DNMT1: variants seen among roughly 807,000 people sequenced by gnomAD.
DNMT1 encodes DNA (cytosine-5)-methyltransferase 1.
A neutral mutation model predicts 205.3 loss-of-function variants in DNMT1; 24 were observed. The ratio of observed to expected loss-of-function variants is 0.12; its 90% CI spans 0.08 to 0.16. The LOEUF is 0.16. Ranked by LOEUF, DNMT1 falls within the 10% of genes least tolerant of loss-of-function variation. The probability of loss-of-function intolerance (pLI) is 1.00; values close to 1 mark genes in which losing one functional copy is unlikely to be tolerated. For synonymous variants in DNMT1, 817 were observed against 839.8 expected, an observed-to-expected ratio of 0.97 and a Z score of 0.47; for missense variants, 1,293 against 2,177.7, an observed-to-expected ratio of 0.59 and a Z score of 8.09.
intron 11 of DNMT1, 56 bp downstream of exon 11, chr19:10,166,542 A>G: frequency 6.2e-7 from 1 of 1,609,926 alleles, no homozygotes. Flanking sequence ...CTCCCGCCCA[A>G]GCAAACAGGA....
At chr19:10,176,062 G>A (rs530167307) in intron 6 of DNMT1, among the ~76,000 whole-genome samples, 2 of 152,224 alleles carry the variant, frequency 1.3e-5, no homozygotes, top group Non-Finnish European at 1.5e-5. Context: ...CAGCTACTCA[G>A]GAGGCTGAGG....
Position 10,168,953 on chromosome 19 carries a change from T to C in DNMT1, c.769-589A>G, listed in dbSNP as rs989437758. Among the ~76,000 whole-genome samples, 6 of 152,282 alleles carry C rather than the reference T, an allele frequency of 3.9e-5. No homozygotes were observed. The East Asian group carries it at 9.7e-4, about 25-fold the overall frequency. ...CCCAGGTTCAAACAATTCTCCTGCTTCAGCCTCCCAAGTAGCTGAGTTTAC... is the reference window on the plus strand; with the variant it reads ...CCCAGGTTCAAACAATTCTCCTGCTCCAGCCTCCCAAGTAGCTGAGTTTAC... On this transcript the variant is annotated intron_variant, in intron 9 of 40. Coordinates refer to ENST00000359526, the MANE Select transcript of DNMT1 (RefSeq NM_001130823.3).
At chr19:10,173,763 A>C in intron 8 of DNMT1, 108 bp downstream of exon 8, 1 of 1,245,084 alleles carries the variant, frequency 8.0e-7, no homozygotes, top group Non-Finnish European at 1.2e-6. Flanking sequence ...AAGTGCTGAG[A>C]TTACAGGCAT....
intron 1 of DNMT1, among the ~76,000 whole-genome samples, chr19:10,188,801 G>A (rs1269382815): frequency 6.6e-6 from 1 of 152,122 alleles, no homozygotes; most frequent in Non-Finnish European, 1.5e-5. Flanking sequence ...TGACTTTAAA[G>A]GTAGAGGAAG....
intron 19 of DNMT1, 125 bp downstream of exon 19, chr19:10,155,728 T>G: frequency 1.0e-6 from 1 of 994,486 alleles, no homozygotes; most frequent in Admixed American, 2.0e-5. Flanking sequence ...CTGCTAAGGT[T>G]CCCAGTCACA....
intron 1 of DNMT1, 120 bp from the exon 2 acceptor site, chr19:10,182,197 G>C: frequency 9.6e-7 from 1 of 1,036,480 alleles, no homozygotes. Flanking sequence ...ATGAGTGTTA[G>C]AAAAAACTAA....
intron 10 of DNMT1, among the ~76,000 whole-genome samples, chr19:10,168,076 T>C (rs1277618461): frequency 2.6e-5 from 4 of 151,816 alleles, no homozygotes; most frequent in Non-Finnish European, 4.4e-5. Flanking sequence ...TGAGCCAGGA[T>C]TGCACCACTG....
At chr19:10,179,126 CAAAA>C (rs1000467616) in intron 5 of DNMT1, among the ~76,000 whole-genome samples, 8 of 65,042 alleles carry the variant, frequency 1.2e-4, no homozygotes, top group Admixed American at 3.4e-4. Context: ...GACTCCATCT[CAAAA>C]AAAAAAAAAA....
rs1352376748 is a variant in DNMT1 at position 10,146,596 on chromosome 19, CT to C, written c.2721-73del. Reference sequence around the variant, plus strand: ...CAGTGGCCGCAGCAGCTACTGCCAGCTTAATCCAGAGACTCTGGTAACCAAG... The same window carrying C: ...CAGTGGCCGCAGCAGCTACTGCCAGCTAATCCAGAGACTCTGGTAACCAAG... On this transcript the variant is annotated intron_variant, in intron 27 of 40. Coordinates refer to ENST00000359526, the MANE Select transcript of DNMT1 (RefSeq NM_001130823.3). The surrounding 1 kb of genome is among the most constrained non-coding windows in gnomAD (Gnocchi z 4.4). The C allele has an allele frequency of 1.8e-5, 29 of 1,592,486 alleles. No individual in the cohort carries two copies. The highest frequency in any genetic ancestry group is 3.4e-4 in the Middle Eastern group (2 of 5,940).
intron 11 of DNMT1, 72 bp downstream of exon 11, chr19:10,166,526 T>A: frequency 6.3e-7 from 1 of 1,580,638 alleles, no homozygotes; most frequent in Non-Finnish European, 8.7e-7. Flanking sequence ...AGCCCCACCC[T>A]GCGCACTCCC....
chr19:10,179,318 A>G (rs2038995681), intron 5 of DNMT1, among the ~76,000 whole-genome samples: 1 of 151,800 alleles, frequency 6.6e-6, no homozygotes. Context: ...GGTCGAAAAC[A>G]ACATTTTTTT....
intron 1 of DNMT1, among the ~76,000 whole-genome samples, chr19:10,192,516 C>T (rs1201462298): frequency 6.6e-6 from 1 of 151,804 alleles, no homozygotes; most frequent in African/African-American, 2.4e-5. Context: ...AATCCCAACA[C>T]TTTGGGAAGC....
intron 28 of DNMT1, among the ~76,000 whole-genome samples, chr19:10,145,824 CT>C (rs201569650): frequency 4.0e-5 from 6 of 151,460 alleles, no homozygotes; most frequent in Admixed American, 2.6e-4. Context: ...CCAGTAAGTT[CT>C]TTTTTTTTCT....
At chr19:10,148,116 C>CAAAAA (rs35310173) in intron 27 of DNMT1, among the ~76,000 whole-genome samples, 3 of 59,292 alleles carry the variant, frequency 5.1e-5, no homozygotes, top group Admixed American at 2.1e-4. Flanking sequence ...AACTCTGTCT[C>CAAAAA]AAAAAAAAAA....
intron 7 of DNMT1, among the ~76,000 whole-genome samples, 198 bp downstream of exon 7, chr19:10,175,342 A>G (rs2038919172): frequency 6.6e-6 from 1 of 152,192 alleles, no homozygotes. Context: ...TTATATATAT[A>G]TACATACACG....
Position 10,180,408 on chromosome 19 carries a change from G to T in DNMT1, c.387C>A (p.Pro129=). ...GCGTGCGAGGTTTGGAAAGGGGTTT[G>T]GGGGGGCTGTTGGCATCTGCCATTC... ...RVGMADANSP[P]KPLSKPRTPR... is the part of the protein sequence containing the mutation. Residue 129 remains proline (P), a synonymous_variant, in exon 4 of 41, where the codon CCC becomes CCA. Transcript: ENST00000359526. 4.3e-6 allele frequency: 7 copies of T among 1,613,864 alleles called. No individual in the cohort carries two copies. The highest frequency in any genetic ancestry group is 5.9e-6 in the Non-Finnish European group (7 of 1,180,014).
chr19:10,188,473 GA>G (rs1219964204), intron 1 of DNMT1, among the ~76,000 whole-genome samples: 3 of 151,952 alleles, frequency 2.0e-5, no homozygotes, highest in Non-Finnish European at 4.4e-5. Flanking sequence ...CCAGGAAGCA[GA>G]AGTTGCAGTG....
chr19:10,170,711 C>A (rs1454396448), intron 9 of DNMT1, among the ~76,000 whole-genome samples: 1 of 152,162 alleles, frequency 6.6e-6, no homozygotes, highest in Non-Finnish European at 1.5e-5. Context: ...CTTTACTAAG[C>A]TCCCAAGTAA....
Position 10,143,662 on chromosome 19 carries a change from C to T in DNMT1, c.3116+104G>A, listed in dbSNP as rs143128515. On this transcript the variant is annotated intron_variant, in intron 29 of 40. Coordinates refer to ENST00000359526, the MANE Select transcript of DNMT1 (RefSeq NM_001130823.3). ...ACACTTGGAAAAACAGCTACTTCAA[C>T]CTAACTCTTAGAACAACTGTGGGTG... 295 of 1,336,076 alleles carry T rather than the reference C, an allele frequency of 2.2e-4. No individual in the cohort carries two copies. In the East Asian group the frequency reaches 4.6e-3, roughly 21 times the overall value. 82.8% of individuals were successfully genotyped at this position (1,336,076 alleles called of 1,614,324 possible). A position where few individuals can be genotyped will look rare whatever the true frequency, so the allele number is the denominator to read the frequency against.
Sources: allele counts gnomAD v4.1 joint callset (sites outside exome capture counted in the v4.1 genomes callset), GRCh38; gene constraint gnomAD v4.1.1; non-coding constraint Gnocchi (gnomAD v3.1); transcripts MANE v1.5; gene names NCBI Gene and HGNC (gene_info 2026-07-23, HGNC 2026-07-21).